The following ANTXR1 variants were observed in gnomAD, a reference collection of about 807,000 sequenced individuals.
The protein encoded by ANTXR1 is anthrax toxin receptor 1.
Under a neutral mutation model 78.1 loss-of-function variants are expected in ANTXR1, and 19 were observed. The ratio of observed to expected loss-of-function variants is 0.24; its 90% CI spans 0.17 to 0.36. The LOEUF (loss-of-function observed/expected upper bound fraction) is 0.36. Ranked by LOEUF, ANTXR1 falls within the 10% of genes least tolerant of loss-of-function variation. ANTXR1 has a pLI of 1.00. For synonymous variants in ANTXR1, 273 were observed against 260.5 expected, an observed-to-expected ratio of 1.05 and a Z score of -0.46; for missense variants, 518 against 718.6, an observed-to-expected ratio of 0.72 and a Z score of 3.19.
chr2:69,150,250 C>G (rs1673356730), intron 12 of ANTXR1, among the ~76,000 whole-genome samples: 1 of 152,236 alleles, frequency 6.6e-6, no homozygotes, highest in Non-Finnish European at 1.5e-5. Context: ...ACAGACCACC[C>G]AGCCTCCCTT....
chr2:69,195,168 A>AAG (rs1674640550), intron 17 of ANTXR1, among the ~76,000 whole-genome samples: 1 of 146,570 alleles, frequency 6.8e-6, no homozygotes, highest in African/African-American at 2.7e-5. Context: ...CTCTGTCTCA[A>AAG]AAAAAAAGAA....
intron 2 of ANTXR1, 79 bp downstream of exon 2, chr2:69,040,194 TTAC>T: frequency 7.8e-7 from 1 of 1,278,290 alleles, no homozygotes; most frequent in South Asian, 1.2e-5. Context: ...ATTCTATTAA[TTAC>T]TACATACTTT....
rs1674301389 is a variant in ANTXR1, at chr2:69,182,595, C to T, written c.1288C>T (p.Pro430Ser). ...GGAGCAGGAATATGAATTCCCTGAG[C>T]CGCGAAATCTCAACAACAATATGCG... is the stretch of plus-strand genomic sequence containing the variant. ...MPEQEYEFPEPRNLNNNMRRP... is the reference protein window; with the variant it reads ...MPEQEYEFPESRNLNNNMRRP... The change falls in exon 16 of 18, where the codon CCG becomes TCG. Residue 430 changes from proline to serine, a missense_variant. Coordinates refer to ENST00000303714, the MANE Select transcript of ANTXR1 (RefSeq NM_032208.3). 1 of 1,614,074 alleles carries T rather than the reference C, an allele frequency of 6.2e-7. No individual in the cohort carries two copies. The highest frequency in any genetic ancestry group is 1.7e-5 in the Admixed American group (1 of 60,006).
intron 8 of ANTXR1, among the ~76,000 whole-genome samples, chr2:69,088,747 G>A (rs1037376948): frequency 6.6e-6 from 1 of 152,182 alleles, no homozygotes; most frequent in African/African-American, 2.4e-5. Context: ...GCAAGAGACC[G>A]AAAAGACTAG....
chr2:69,040,805 G>A (rs961387493), intron 2 of ANTXR1, among the ~76,000 whole-genome samples: 1 of 152,164 alleles, frequency 6.6e-6, no homozygotes, highest in East Asian at 1.9e-4. Flanking sequence ...GAAGCAAGTT[G>A]TCAAAGTCTT....
At chr2:69,018,219 A>G (rs530966098) in intron 1 of ANTXR1, among the ~76,000 whole-genome samples, 5 of 152,098 alleles carry the variant, frequency 3.3e-5, no homozygotes, top group African/African-American at 7.2e-5. Flanking sequence ...CAGGCTCACC[A>G]TGTGCTCCTT....
chr2:69,135,630 A>G (rs992860250), intron 12 of ANTXR1, among the ~76,000 whole-genome samples: 8 of 152,156 alleles, frequency 5.3e-5, no homozygotes, highest in Non-Finnish European at 7.4e-5. Flanking sequence ...GCAAAAAATT[A>G]TCGGTCTAAA....
chr2:69,059,015 C>T (rs1670152125), intron 3 of ANTXR1, among the ~76,000 whole-genome samples: 1 of 152,190 alleles, frequency 6.6e-6, no homozygotes, highest in Admixed American at 6.5e-5. Context: ...GTTGCAATCT[C>T]ATGATAAAAC....
At chr2:69,203,223 GA>G (rs953188464) in intron 17 of ANTXR1, among the ~76,000 whole-genome samples, 3 of 152,274 alleles carry the variant, frequency 2.0e-5, no homozygotes, top group African/African-American at 7.2e-5. Flanking sequence ...ATCATTTTAA[GA>G]AAAAGGAAGA....
chr2:69,189,826 G>A (rs777233970), intron 16 of ANTXR1, among the ~76,000 whole-genome samples: 16 of 152,226 alleles, frequency 1.1e-4, no homozygotes, highest in Non-Finnish European at 2.2e-4. Context: ...GCAAAAGGAG[G>A]AGCAGGTTTG....
chr2:69,092,644 G>A (rs1671276772), intron 9 of ANTXR1, among the ~76,000 whole-genome samples: 1 of 152,180 alleles, frequency 6.6e-6, no homozygotes, highest in Admixed American at 6.5e-5. Context: ...TGCCACAGAG[G>A]TAGATCGGTG....
At chr2:69,176,499 C>T (rs1674122350) in intron 14 of ANTXR1, among the ~76,000 whole-genome samples, 1 of 152,192 alleles carries the variant, frequency 6.6e-6, no homozygotes, top group South Asian at 2.1e-4. Flanking sequence ...AAGTTCTGCC[C>T]TTCGAAGCCT....
intron 12 of ANTXR1, among the ~76,000 whole-genome samples, chr2:69,150,885 A>G (rs1016249430): frequency 1.3e-5 from 2 of 152,090 alleles, no homozygotes; most frequent in African/African-American, 4.8e-5. Context: ...TTAGCCAGGC[A>G]TGGTCACATG....
At chr2:69,077,295 TC>T (rs1387248783) in intron 7 of ANTXR1, 112 bp from the exon 8 acceptor site, 8 of 1,143,698 alleles carry the variant, frequency 7.0e-6, no homozygotes, top group Non-Finnish European at 9.2e-6. Flanking sequence ...GGCCTCATAT[TC>T]CCCTGGGTTC....
intron 1 of ANTXR1, among the ~76,000 whole-genome samples, chr2:69,022,797 G>GCACA (rs1200397943): frequency 6.6e-6 from 1 of 152,200 alleles, no homozygotes; most frequent in Non-Finnish European, 1.5e-5. Context: ...AGCTGAGGCA[G>GCACA]CACACACCTT....
chr2:69,127,781 G>A (rs1047642900), intron 12 of ANTXR1, among the ~76,000 whole-genome samples: 4 of 152,116 alleles, frequency 2.6e-5, no homozygotes, highest in Non-Finnish European at 5.9e-5. Context: ...AATCAAGAAT[G>A]TCCCAAGGGT....
At chr2:69,076,946 G>A (rs1670751126) in intron 7 of ANTXR1, among the ~76,000 whole-genome samples, 1 of 152,290 alleles carries the variant, frequency 6.6e-6, no homozygotes, top group Non-Finnish European at 1.5e-5. Flanking sequence ...TCCTTAATGG[G>A]CAGTTTGGGT....
intron 17 of ANTXR1, among the ~76,000 whole-genome samples, chr2:69,200,044 A>T (rs1486413267): frequency 1.3e-5 from 2 of 152,178 alleles, no homozygotes; most frequent in African/African-American, 4.8e-5. Flanking sequence ...GATGGAATTC[A>T]ATCATCTACC....
At chr2:69,141,513 C>T (rs1673068129) in intron 12 of ANTXR1, among the ~76,000 whole-genome samples, 1 of 152,246 alleles carries the variant, frequency 6.6e-6, no homozygotes, top group East Asian at 1.9e-4. Context: ...CAAGCAGTAC[C>T]TGGTGTGCAG....
Sources: allele counts gnomAD v4.1 joint callset (sites outside exome capture counted in the v4.1 genomes callset), GRCh38; gene constraint gnomAD v4.1.1; transcripts MANE v1.5; gene names NCBI Gene and HGNC (gene_info 2026-07-23, HGNC 2026-07-21).